Variants in PLPPR2 observed in about 807,000 individuals in gnomAD.
PLPPR2 encodes the protein phospholipid phosphatase related 2.
PLPPR2 carries 11 observed loss-of-function variants against 40.3 expected under a neutral mutation model. The ratio of observed to expected loss-of-function variants is 0.27; its 90% confidence interval spans 0.17 to 0.45. The LOEUF is 0.45. PLPPR2 is among the 20% of genes least tolerant of loss of function. The pLI, the probability that PLPPR2 is intolerant of heterozygous loss-of-function variation, is 1.00. For synonymous variants in PLPPR2, 260 were observed against 290.8 expected, an observed-to-expected ratio of 0.89 and a Z score of 1.08; for missense variants, 497 against 640.7, an observed-to-expected ratio of 0.78 and a Z score of 2.42.
chr19:11,359,592 C>T lies in PLPPR2; in HGVS notation c.127C>T (p.Pro43Ser). Residue 43 changes from proline to serine, a missense_variant, in exon 4 of 10, where the codon CCT becomes TCT. Pro to Ser is a moderately conservative substitution (Grantham distance 74). Coordinates refer to ENST00000688289, the MANE Select transcript of PLPPR2 (RefSeq NM_001393892.1). The surrounding 1 kb of genome is among the most constrained non-coding windows in gnomAD (Gnocchi z 5.6). Reference sequence around the variant, plus strand: ...CCGCCTGGAGTTCACGGACACCTTCCCTGTGCACACCCAGGGATTCTTCTG... The same window carrying T: ...CCGCCTGGAGTTCACGGACACCTTCTCTGTGCACACCCAGGGATTCTTCTG... ...AYRLEFTDTF[P>S]VHTQGFFCYD... The T allele has an allele frequency of 6.2e-7, 1 of 1,608,966 alleles. No individual in the cohort carries two copies. Among genetic ancestry groups the T allele is most frequent in the Non-Finnish European group, 8.5e-7 (1 of 1,177,036 alleles).
chr19:11,358,019 G>GGGCT (rs1337505143), intron 3 of PLPPR2, among the ~76,000 whole-genome samples: 3 of 144,070 alleles, frequency 2.1e-5, no homozygotes, highest in African/African-American at 8.1e-5. Context: ...CCAACTCATA[G>GGGCT]GGCTGTTCTC....
rs1968086767 is a variant in PLPPR2 at position 11,362,762 on chromosome 19, T to G, written c.840+73T>G. The G allele has an allele frequency of 6.6e-7, 1 of 1,517,186 alleles. No individual in the cohort carries two copies. The highest frequency in any genetic ancestry group is 1.8e-5 in the Admixed American group (1 of 55,146). The allele number at this position is 1,517,186 out of a possible 1,614,324, so 94.0% of individuals were successfully genotyped here. On this transcript the variant is annotated intron_variant, in intron 7 of 9. Transcript: ENST00000688289. The surrounding 1 kb of genome is among the most constrained non-coding windows in gnomAD (Gnocchi z 5.3). Reference sequence around the variant, plus strand: ...CTCTGACCCAAGAGGCAGGACCACATGATGGAGAAGGGTGTGGACTCTGTG... The same window carrying G: ...CTCTGACCCAAGAGGCAGGACCACAGGATGGAGAAGGGTGTGGACTCTGTG...
Position 11,364,021 on chromosome 19 carries a change from T to G in PLPPR2, c.964-140T>G. 2 of 1,369,696 alleles carry G rather than the reference T, an allele frequency of 1.5e-6. No homozygotes were observed. The highest frequency in any genetic ancestry group is 4.5e-5 in the Admixed American group (2 of 44,360). The allele number at this position is 1,369,696 out of a possible 1,614,324, so 84.8% of individuals were successfully genotyped here. ...AAGAATGAAAGGGAGCACCCCCGTC[T>G]TCTTCCCAGGGGGACACGGTTAATC... On this transcript the variant is annotated intron_variant, in intron 8 of 9. Transcript: ENST00000688289. The surrounding 1 kb of genome is among the most constrained non-coding windows in gnomAD (Gnocchi z 5.8).
Position 11,361,634 on chromosome 19 carries a change from A to G in PLPPR2, c.663+146A>G. 2.6e-6 allele frequency: 3 copies of G among 1,170,068 alleles called. No homozygotes were observed. Among genetic ancestry groups the G allele is most frequent in the Non-Finnish European group, 2.3e-6 (2 of 855,380 alleles). The allele number at this position is 1,170,068 out of a possible 1,614,324, so 72.5% of individuals were successfully genotyped here. On this transcript the variant is annotated intron_variant, in intron 6 of 9. Coordinates refer to ENST00000688289, the MANE Select transcript of PLPPR2 (RefSeq NM_001393892.1). This position sits in a 1 kb window ranked among gnomAD's most constrained non-coding sequence, Gnocchi z 6.3. ...TCGCTCCACGCCCCGACCTGTTGGA[A>G]GCTCTCCCTCCTCCTCCCAGATCCT...
Position 11,362,481 on chromosome 19 carries a change from G to A in PLPPR2, c.664-32G>A, listed in dbSNP as rs377667143. Reference sequence around the variant, plus strand: ...CACTTGGGTTCGGCGACTTGCCTCCGCTATCCCCCTGACCAGTCCGGCTCC... The same window carrying A: ...CACTTGGGTTCGGCGACTTGCCTCCACTATCCCCCTGACCAGTCCGGCTCC... On this transcript the variant is annotated intron_variant, in intron 6 of 9. Coordinates refer to ENST00000688289, the MANE Select transcript of PLPPR2 (RefSeq NM_001393892.1). The surrounding 1 kb of genome is among the most constrained non-coding windows in gnomAD (Gnocchi z 5.3). 1.7e-5 allele frequency: 27 copies of A among 1,605,520 alleles called. No homozygotes were observed. In the Middle Eastern group the frequency reaches 4.9e-4, roughly 29 times the overall value.
At chr19:11,356,529 A>G (rs1967884987) in intron 1 of PLPPR2, among the ~76,000 whole-genome samples, 1 of 152,042 alleles carries the variant, frequency 6.6e-6, no homozygotes, top group Non-Finnish European at 1.5e-5. Flanking sequence ...ATGCAGTGAC[A>G]TGTGTTGTGT....
rs749459231 is a variant in PLPPR2, at chr19:11,359,782, CTG to C, written c.256-38_256-37del. On this transcript the variant is annotated intron_variant, in intron 4 of 9. Transcript: ENST00000688289. This position sits in a 1 kb window ranked among gnomAD's most constrained non-coding sequence, Gnocchi z 5.6. ...CGGTAAGGGTGGGTGAGGGGATGGGCTGGAAGGCCAGAAGACTCCATCTTGGT... is the reference window on the plus strand; with the variant it reads ...CGGTAAGGGTGGGTGAGGGGATGGGCGAAGGCCAGAAGACTCCATCTTGGT... 5 of 1,588,278 alleles carry C rather than the reference CTG, an allele frequency of 3.1e-6. No homozygotes were observed. The Admixed American group carries it at 8.5e-5, about 27-fold the overall frequency.
rs2144680354 is a variant in PLPPR2 at position 11,364,030 on chromosome 19, G to A, written c.964-131G>A. ...AGGGAGCACCCCCGTCTTCTTCCCA[G>A]GGGGACACGGTTAATCATGAGAACT... On this transcript the variant is annotated intron_variant, in intron 8 of 9. Transcript: ENST00000688289. The surrounding 1 kb of genome is among the most constrained non-coding windows in gnomAD (Gnocchi z 5.8). The A allele has an allele frequency of 7.2e-7, 1 of 1,389,486 alleles. No homozygotes were observed. Among genetic ancestry groups the A allele is most frequent in the African/African-American group, 1.4e-5 (1 of 69,364 alleles). 86.1% of individuals were successfully genotyped at this position (1,389,486 alleles called of 1,614,324 possible). A position where few individuals can be genotyped will look rare whatever the true frequency, so the allele number is the denominator to read the frequency against.
In PLPPR2 at chr19:11,363,772, C is replaced by T; in HGVS notation, c.900C>T (p.Pro300=). The T allele has an allele frequency of 6.2e-7, 1 of 1,614,200 alleles. No homozygotes were observed. Among genetic ancestry groups the T allele is most frequent in the East Asian group, 2.2e-5 (1 of 44,884 alleles). Residue 300 remains proline (P), a synonymous_variant, in exon 8 of 10, where the codon CCC becomes CCT. Coordinates refer to ENST00000688289, the MANE Select transcript of PLPPR2 (RefSeq NM_001393892.1). The surrounding 1 kb of genome is among the most constrained non-coding windows in gnomAD (Gnocchi z 4.8). ...SRPPSGRRLS[P]WEDLGQAPTM... ...CACCCTCTGGCCGAAGGCTCTCTCCCTGGGAGGACCTGGGCCAAGCCCCCA... is the reference window on the plus strand; with the variant it reads ...CACCCTCTGGCCGAAGGCTCTCTCCTTGGGAGGACCTGGGCCAAGCCCCCA...
chr19:11,357,612 C>T (rs1488555252), intron 2 of PLPPR2, 48 bp from the exon 3 acceptor site: 6 of 1,454,166 alleles, frequency 4.1e-6, no homozygotes, highest in Non-Finnish European at 2.8e-6. Flanking sequence ...CCTGAGCCTT[C>T]CCCTAGGCAC....
intron 3 of PLPPR2, among the ~76,000 whole-genome samples, 162 bp downstream of exon 3, chr19:11,357,901 C>T (rs913201730): frequency 6.6e-6 from 1 of 152,092 alleles, no homozygotes; most frequent in Non-Finnish European, 1.5e-5. Flanking sequence ...GTGCCACTCC[C>T]CGGGGTCCAA....
chr19:11,364,178 G>A lies in PLPPR2; in HGVS notation c.981G>A (p.Arg327=), dbSNP rs746529785. The change falls in exon 9 of 10, where the codon AGG becomes AGA. Residue 327 remains arginine (R), a synonymous_variant. Transcript: ENST00000688289. The surrounding 1 kb of genome is among the most constrained non-coding windows in gnomAD (Gnocchi z 5.8). ...TGTCTCAGGAACCCGAGGTCTGCAG[G>A]CCGCATTCGACACCGGCACGGCTCA... ...LSVAQEPEVC[R]PHSTPARLTP... is the part of the protein sequence containing the mutation. 2.5e-6 allele frequency: 4 copies of A among 1,612,342 alleles called. No homozygotes were observed. The highest frequency in any genetic ancestry group is 3.4e-6 in the Non-Finnish European group (4 of 1,178,908).
In PLPPR2 at chr19:11,362,002, CCT is replaced by C. The variant is rs1336873121; in HGVS notation, c.664-510_664-509del. 5.9e-5 allele frequency among the ~76,000 whole-genome samples: 9 copies of C among 152,186 alleles called. No individual in the cohort carries two copies. The highest frequency in any genetic ancestry group is 2.2e-4 in the African/African-American group (9 of 41,518). On this transcript the variant is annotated intron_variant, in intron 6 of 9. Coordinates refer to ENST00000688289, the MANE Select transcript of PLPPR2 (RefSeq NM_001393892.1). This position sits in a 1 kb window ranked among gnomAD's most constrained non-coding sequence, Gnocchi z 5.3. The stretch of plus-strand genomic sequence containing the variant: ...TGCTCTGGGATTTCTAACTCTGTCC[CCT>C]GCTTTTTCCTGGTCACATCCCCTGT...
Position 11,364,158 on chromosome 19 carries a change from C to A in PLPPR2, c.964-3C>A. 1 of 1,610,760 alleles carries A rather than the reference C, an allele frequency of 6.2e-7. No individual in the cohort carries two copies. The highest frequency in any genetic ancestry group is 8.5e-7 in the Non-Finnish European group (1 of 1,177,874). ...GCCCCTTCCGTCTGTCTCTTTGTCT[C>A]AGGAACCCGAGGTCTGCAGGCCGCA... On this transcript the variant is annotated splice_region_variant and splice_polypyrimidine_tract_variant and intron_variant, in intron 8 of 9. Coordinates refer to ENST00000688289, the MANE Select transcript of PLPPR2 (RefSeq NM_001393892.1). This position sits in a 1 kb window ranked among gnomAD's most constrained non-coding sequence, Gnocchi z 5.8.
chr19:11,357,811 C>T (rs1490962778), intron 3 of PLPPR2, 72 bp downstream of exon 3: 1 of 1,232,782 alleles, frequency 8.1e-7, no homozygotes, highest in African/African-American at 1.5e-5. Flanking sequence ...GTCTCCTTAT[C>T]TGTACCCACT....
intron 1 of PLPPR2, 136 bp from the exon 2 acceptor site, chr19:11,356,665 TG>T (rs1489532864): frequency 7.7e-4 from 1 of 1,300 alleles, no homozygotes. Flanking sequence ...ATGCCATGGT[TG>T]TGTGTGTGTG....
At position 11,361,523 on chromosome 19, in the gene PLPPR2, GTGCA is replaced by G. The variant is rs1357263153; in HGVS notation, c.663+36_663+39del. ...GGGAGCTTCGGGGTCGGAAATGGGT[GTGCA>G]GGCTGGACAGCGACCAGCAGCTAGG... On this transcript the variant is annotated intron_variant, in intron 6 of 9. Transcript: ENST00000688289. The surrounding 1 kb of genome is among the most constrained non-coding windows in gnomAD (Gnocchi z 6.3). 6.4e-7 allele frequency: 1 copy of G among 1,566,066 alleles called. No individual in the cohort carries two copies.
chr19:11,364,961 A>C lies in PLPPR2; in HGVS notation c.*271A>C. On this transcript the variant is annotated 3_prime_UTR_variant, in exon 10 of 10. Transcript: ENST00000688289. This position sits in a 1 kb window ranked among gnomAD's most constrained non-coding sequence, Gnocchi z 5.8. ...CCCATTGGCCATTGCCTGGCTAATG[A>C]GAACCCCTGGTTCTCAGAATTTTAA... 2 of 513,024 alleles carry C rather than the reference A, an allele frequency of 3.9e-6. No homozygotes were observed. Among genetic ancestry groups the C allele is most frequent in the South Asian group, 5.2e-5 (2 of 38,582 alleles). 31.8% of individuals were successfully genotyped at this position (513,024 alleles called of 1,614,324 possible). A position where few individuals can be genotyped will look rare whatever the true frequency, so the allele number is the denominator to read the frequency against.
At position 11,364,028 on chromosome 19, in the gene PLPPR2, C is replaced by T. The variant is rs1329802151; in HGVS notation, c.964-133C>T. The T allele has an allele frequency of 1.4e-6, 2 of 1,382,230 alleles. No homozygotes were observed. Among genetic ancestry groups the T allele is most frequent in the African/African-American group, 2.9e-5 (2 of 69,080 alleles). 85.6% of individuals were successfully genotyped at this position (1,382,230 alleles called of 1,614,324 possible). Reference sequence around the variant, plus strand: ...AAAGGGAGCACCCCCGTCTTCTTCCCAGGGGGACACGGTTAATCATGAGAA... The same window carrying T: ...AAAGGGAGCACCCCCGTCTTCTTCCTAGGGGGACACGGTTAATCATGAGAA... On this transcript the variant is annotated intron_variant, in intron 8 of 9. Coordinates refer to ENST00000688289, the MANE Select transcript of PLPPR2 (RefSeq NM_001393892.1). The surrounding 1 kb of genome is among the most constrained non-coding windows in gnomAD (Gnocchi z 5.8).
Sources: gnomAD v4.1 joint callset for allele counts (sites outside exome capture counted in the v4.1 genomes callset) on GRCh38, gnomAD v4.1.1 for gene constraint, Gnocchi (gnomAD v3.1) non-coding constraint, MANE v1.5 for transcripts, NCBI Gene and HGNC (gene_info 2026-07-23, HGNC 2026-07-21) for gene names.